RBL2: variants seen among roughly 807,000 people sequenced by gnomAD.
The protein encoded by RBL2 is retinoblastoma-like protein 2.
A neutral mutation model predicts 126.0 loss-of-function variants in RBL2; 56 were observed. The ratio of observed to expected loss-of-function variants is 0.44; its 90% CI spans 0.36 to 0.56. RBL2 has a LOEUF of 0.56. RBL2 is among the 20% of genes least tolerant of loss of function. The probability of loss-of-function intolerance (pLI) is 0.00; values close to 1 mark genes in which losing one functional copy is unlikely to be tolerated. For missense variants in RBL2, 1,229 were observed against 1,398.2 expected (o/e 0.88, Z 1.93); for synonymous variants, 454 against 478.5 (o/e 0.95, Z 0.67).
At chr16:53,450,049 C>T (rs1356042965) in intron 4 of RBL2, among the ~76,000 whole-genome samples, 1 of 140,588 alleles carries the variant, frequency 7.1e-6, no homozygotes, top group Non-Finnish European at 1.5e-5. Context: ...AGCTTGAAAT[C>T]AGTAGGTGCT....
chr16:53,454,821 C>T lies in RBL2; in HGVS notation c.1158C>T (p.Ile386=). The T allele has an allele frequency of 1.2e-6, 2 of 1,610,640 alleles. No individual in the cohort carries two copies. Among genetic ancestry groups the T allele is most frequent in the Middle Eastern group, 1.7e-4 (1 of 6,042 alleles). Residue 386 remains isoleucine, a synonymous_variant, in exon 8 of 22, where the codon ATC becomes ATT. Transcript: ENST00000262133. ...ETAERVQMKN[I]LQQHFDKSKA... ...CTGAAAGGGTGCAGATGAAAAACATCTTACAGCAGCATTTTGACAAGGTGA... is the reference window on the plus strand; with the variant it reads ...CTGAAAGGGTGCAGATGAAAAACATTTTACAGCAGCATTTTGACAAGGTGA...
Position 53,467,108 on chromosome 16 carries a change from C to G in RBL2, c.1914C>G (p.Gly638=). 6.2e-7 allele frequency: 1 copy of G among 1,614,028 alleles called. No homozygotes were observed. Among genetic ancestry groups the G allele is most frequent in the East Asian group, 2.2e-5 (1 of 44,862 alleles). ...GGGCAGATGAAATTTGCATTGCTGG[C>G]TCCCCTTTGACTCCCAGAAGGGTGA... is the stretch of plus-strand genomic sequence containing the variant. ...LERADEICIA[G]SPLTPRRVTE... is the part of the protein sequence containing the mutation. Residue 638 remains glycine (G), a synonymous_variant, in exon 14 of 22, where the codon GGC becomes GGG. Transcript: ENST00000262133.
At chr16:53,457,512 G>A (rs766214140) in intron 8 of RBL2, among the ~76,000 whole-genome samples, 7 of 151,936 alleles carry the variant, frequency 4.6e-5, no homozygotes, top group Non-Finnish European at 1.0e-4. Context: ...TCCCGCCTCG[G>A]CTTCCTGAAG....
intron 9 of RBL2, 64 bp from the exon 10 acceptor site, chr16:53,461,677 C>T (rs1172998451): frequency 1.1e-5 from 13 of 1,151,810 alleles, no homozygotes; most frequent in Non-Finnish European, 1.6e-5. Context: ...ATTATAGAAA[C>T]ATTTTATCCC....
rs571781424 is a variant in RBL2 at position 53,487,927 on chromosome 16, C to T, written c.3250-2203C>T. Reference sequence around the variant, plus strand: ...GGCTAAAATCCAAAAAGTGACAAATCGTAAGTTCTGACAACAATGTGGAAC... The same window carrying T: ...GGCTAAAATCCAAAAAGTGACAAATTGTAAGTTCTGACAACAATGTGGAAC... On this transcript the variant is annotated intron_variant, in intron 21 of 21. Coordinates refer to ENST00000262133, the MANE Select transcript of RBL2 (RefSeq NM_005611.4). 5.9e-5 allele frequency: 9 copies of T among 152,288 alleles called. No individual in the cohort carries two copies. In the East Asian group the frequency reaches 1.5e-3, roughly 26 times the overall value. 9.4% of individuals were successfully genotyped at this position (152,288 alleles called of 1,614,324 possible).
chr16:53,463,459 C>T (rs2058242060), intron 11 of RBL2, among the ~76,000 whole-genome samples: 1 of 151,278 alleles, frequency 6.6e-6, no homozygotes, highest in Non-Finnish European at 1.5e-5. Flanking sequence ...CTGGGCTGGT[C>T]TCAAACTCTG....
chr16:53,434,504 C>A lies in RBL2; in HGVS notation c.-53C>A. 1 of 1,346,778 alleles carries A rather than the reference C, an allele frequency of 7.4e-7. No homozygotes were observed. The allele number at this position is 1,346,778 out of a possible 1,614,324, so 83.4% of individuals were successfully genotyped here. ...GGCGGGCGCTTCGCCGTTTGAATGG[C>A]TGCGGGCCCGGGCCCTCACCTCACC... On this transcript the variant is annotated 5_prime_UTR_variant, in exon 1 of 22. It adds an upstream start codon to the 5' untranslated region. Transcript: ENST00000262133.
chr16:53,440,797 A>T (rs541491997), intron 2 of RBL2, among the ~76,000 whole-genome samples: 3 of 151,882 alleles, frequency 2.0e-5, no homozygotes, highest in South Asian at 2.1e-4. Flanking sequence ...CAGGTGATCC[A>T]CCCGCCTTGG....
At chr16:53,452,752 A>G (rs1481598470) in intron 5 of RBL2, among the ~76,000 whole-genome samples, 1 of 151,892 alleles carries the variant, frequency 6.6e-6, no homozygotes, top group Non-Finnish European at 1.5e-5. Flanking sequence ...CTGCAGCCTC[A>G]ATCTCCTGGG....
intron 21 of RBL2, among the ~76,000 whole-genome samples, chr16:53,482,550 C>A (rs1224949800): frequency 1.3e-5 from 2 of 152,162 alleles, no homozygotes; most frequent in Non-Finnish European, 2.9e-5. Context: ...TGGCTCACAC[C>A]TGTAATCCCA....
At chr16:53,462,333 T>C (rs1375419330) in intron 10 of RBL2, among the ~76,000 whole-genome samples, 1 of 152,214 alleles carries the variant, frequency 6.6e-6, no homozygotes, top group African/African-American at 2.4e-5. Flanking sequence ...CAGTTCCTTA[T>C]GTGCAAATTT....
chr16:53,486,125 G>GAAA (rs59433365), intron 21 of RBL2, among the ~76,000 whole-genome samples: 20 of 92,168 alleles, frequency 2.2e-4, no homozygotes, highest in African/African-American at 7.8e-4. Context: ...CCTTGTCTCT[G>GAAA]AAAAAAAAAA....
intron 11 of RBL2, 30 bp downstream of exon 11, chr16:53,462,685 C>A: frequency 7.3e-7 from 1 of 1,369,218 alleles, no homozygotes; most frequent in Non-Finnish European, 1.0e-6. Context: ...TATTGATCAG[C>A]GCAATGAAAC....
At chr16:53,446,296 G>A (rs10521289) in intron 3 of RBL2, among the ~76,000 whole-genome samples, 7,937 of 151,578 alleles carry the variant, frequency 0.052, 627 homozygotes, top group African/African-American at 0.18. Flanking sequence ...CCCAAGTAGA[G>A]TAATCTTTTG....
intron 21 of RBL2, chr16:53,488,839 C>T (rs1033273044): frequency 6.6e-6 from 1 of 152,058 alleles, no homozygotes; most frequent in Non-Finnish European, 1.5e-5. Context: ...TGGGAGACTG[C>T]AGAGATAGCA....
chr16:53,467,110 C>A lies in RBL2; in HGVS notation c.1916C>A (p.Ser639Tyr), dbSNP rs1417618332. The A allele has an allele frequency of 6.2e-7, 1 of 1,614,016 alleles. No individual in the cohort carries two copies. Among genetic ancestry groups the A allele is most frequent in the Admixed American group, 1.7e-5 (1 of 60,012 alleles). The change falls in exon 14 of 22, where the codon TCC becomes TAC. Residue 639 changes from serine to tyrosine, a missense_variant. By Grantham distance (144) the Ser-to-Tyr change is moderately radical. Coordinates refer to ENST00000262133, the MANE Select transcript of RBL2 (RefSeq NM_005611.4). The part of the protein sequence containing the change: ...ERADEICIAG[S>Y]PLTPRRVTEV... ...GCAGATGAAATTTGCATTGCTGGCT[C>A]CCCTTTGACTCCCAGAAGGGTGACT...
rs745949856 is a variant in RBL2 at position 53,444,613 on chromosome 16, C to T, written c.572+1755C>T. Among the ~76,000 whole-genome samples, 22 of 150,550 alleles carry T rather than the reference C, an allele frequency of 1.5e-4. No homozygotes were observed. The South Asian group carries it at 2.3e-3, about 16-fold the overall frequency. On this transcript the variant is annotated intron_variant, in intron 3 of 21. Transcript: ENST00000262133. ...ATATTCTCCTAGCACTTTGGGAGGC[C>T]GAGGCAGGTGGATTGCTTGAGGTCA...
chr16:53,446,578 G>A (rs1296905296), intron 3 of RBL2, among the ~76,000 whole-genome samples: 1 of 152,070 alleles, frequency 6.6e-6, no homozygotes. Flanking sequence ...AGGAATTATA[G>A]GAAGCTCATA....
chr16:53,462,586 G>A lies in RBL2; in HGVS notation c.1491G>A (p.Met497Ile). ...IASKHFRFAE[M>I]LYYKVLESVI... ...GCAAACATTTTCGTTTTGCGGAGAT[G>A]CTTTACTATAAAGTATTAGAATCTG... is the stretch of plus-strand genomic sequence containing the variant. The change falls in exon 11 of 22, where the codon ATG (methionine) becomes ATA (isoleucine). Residue 497 changes from methionine to isoleucine, a missense_variant. Met to Ile is a conservative substitution (Grantham distance 10, BLOSUM62 1). Around this residue, in one of 2 missense-constraint regions of RBL2, gnomAD observed 1,070 missense variants for 1,274.3 expected, o/e 0.84. Transcript: ENST00000262133. The A allele has an allele frequency of 1.3e-6, 2 of 1,562,256 alleles. No homozygotes were observed. The highest frequency in any genetic ancestry group is 2.4e-5 in the South Asian group (2 of 81,690).
Sources: gnomAD v4.1 joint callset for allele counts (sites outside exome capture counted in the v4.1 genomes callset) on GRCh38, gnomAD v4.1.1 for gene constraint, gnomAD v4.1.1 regional missense constraint, MANE v1.5 for transcripts, NCBI Gene and HGNC (gene_info 2026-07-23, HGNC 2026-07-21) for gene names.